The following WDFY4 variants were observed in gnomAD, a reference collection of about 807,000 sequenced individuals.
The protein encoded by WDFY4 is WDFY family member 4, also known as WD repeat- and FYVE domain-containing protein 4.
Under a neutral mutation model 351.9 loss-of-function variants are expected in WDFY4, and 169 were observed. The ratio of observed to expected loss-of-function variants is 0.48; its 90% CI spans 0.42 to 0.55. The LOEUF is 0.55. Among genes scored for constraint, WDFY4 ranks in the 20% least tolerant of loss-of-function variants. The pLI, the probability that WDFY4 is intolerant of heterozygous loss-of-function variation, is 0.00. For synonymous variants in WDFY4, 1,622 were observed against 1,574.6 expected (o/e 1.03, Z -0.71); for missense variants, 3,803 against 3,935.6 (o/e 0.97, Z 0.90).
At chr10:48,788,723 T>C in intron 21 of WDFY4, 48 bp downstream of exon 21, 1 of 1,544,814 alleles carries the variant, frequency 6.5e-7, no homozygotes, top group Non-Finnish European at 8.8e-7. Context: ...TCTGGTTTCA[T>C]GGTTTGCATT....
intron 23 of WDFY4, among the ~76,000 whole-genome samples, chr10:48,794,059 T>C (rs750037029): frequency 7.9e-5 from 12 of 152,112 alleles, no homozygotes; most frequent in Non-Finnish European, 1.5e-4. Flanking sequence ...AGAGGATGGT[T>C]GTGGAGCTGT....
chr10:48,919,861 C>T (rs1456362977), intron 47 of WDFY4, among the ~76,000 whole-genome samples: 1 of 132,624 alleles, frequency 7.5e-6, no homozygotes, highest in Admixed American at 7.1e-5. Flanking sequence ...TTGATATGAT[C>T]TCTTTCAAAA....
At chr10:48,812,083 G>T (rs1436439848) in intron 30 of WDFY4, among the ~76,000 whole-genome samples, 1 of 152,042 alleles carries the variant, frequency 6.6e-6, no homozygotes, top group African/African-American at 2.4e-5. Flanking sequence ...TGCCCCTGTT[G>T]CTAGGACAGG....
At chr10:48,768,343 C>G (rs1476434780) in intron 13 of WDFY4, among the ~76,000 whole-genome samples, 1 of 152,162 alleles carries the variant, frequency 6.6e-6, no homozygotes, top group African/African-American at 2.4e-5. Context: ...GTATGGCCAG[C>G]AGCACAGCGA....
intron 52 of WDFY4, among the ~76,000 whole-genome samples, chr10:48,958,925 C>G (rs1330950570): frequency 6.6e-6 from 1 of 152,168 alleles, no homozygotes; most frequent in Non-Finnish European, 1.5e-5. Flanking sequence ...AGCTTTTATT[C>G]CAGCTGCTTC....
chr10:48,901,690 G>C, intron 46 of WDFY4, 111 bp from the exon 47 acceptor site: 2 of 1,188,198 alleles, frequency 1.7e-6, no homozygotes, highest in African/African-American at 3.0e-5. Flanking sequence ...AGGATGGAGC[G>C]AGGGGGAGCA....
chr10:48,959,644 G>A, intron 52 of WDFY4, 78 bp from the exon 53 acceptor site: 1 of 1,307,434 alleles, frequency 7.6e-7, no homozygotes, highest in South Asian at 1.3e-5. Flanking sequence ...GCAATCCTGG[G>A]CAATGTGTAT....
chr10:48,751,153 G>A (rs1178115595), intron 12 of WDFY4, among the ~76,000 whole-genome samples: 2 of 152,222 alleles, frequency 1.3e-5, no homozygotes, highest in Non-Finnish European at 2.9e-5. Flanking sequence ...CCCTGGCAAG[G>A]GCAGGCCCAG....
chr10:48,769,265 C>T (rs2065781151), intron 13 of WDFY4, among the ~76,000 whole-genome samples: 1 of 152,148 alleles, frequency 6.6e-6, no homozygotes, highest in Admixed American at 6.5e-5. Context: ...CCTACCAGGC[C>T]ATAAGGGCAC....
chr10:48,765,787 C>G (rs1236941930), intron 13 of WDFY4, among the ~76,000 whole-genome samples: 1 of 152,150 alleles, frequency 6.6e-6, no homozygotes, highest in South Asian at 2.1e-4. Flanking sequence ...ATTAGAGAGA[C>G]TATTGTCATC....
intron 5 of WDFY4, 83 bp downstream of exon 5, chr10:48,723,650 T>C: frequency 6.6e-7 from 1 of 1,516,466 alleles, no homozygotes; most frequent in Non-Finnish European, 8.9e-7. Context: ...GTAGATGCTT[T>C]TGTCTTTCTC....
At chr10:48,978,950 G>A (rs1842693181) in intron 60 of WDFY4, 1 of 152,696 alleles carries the variant, frequency 6.5e-6, no homozygotes, top group Admixed American at 6.5e-5. Context: ...TCTGAAAAGA[G>A]TAGACATTTG....
At chr10:48,694,267 C>A (rs1291997634) in intron 1 of WDFY4, among the ~76,000 whole-genome samples, 2 of 152,124 alleles carry the variant, frequency 1.3e-5, no homozygotes, top group Admixed American at 1.3e-4. Flanking sequence ...TAATAGAGTC[C>A]CTGGCTAAGC....
In WDFY4 at chr10:48,796,382, G is replaced by A. The variant is rs1565209092; in HGVS notation, c.4342G>A (p.Glu1448Lys). The A allele has an allele frequency of 7.1e-6, 11 of 1,552,226 alleles. No individual in the cohort carries two copies. The highest frequency in any genetic ancestry group is 7.8e-6 in the Non-Finnish European group (9 of 1,147,120). The change falls in exon 24 of 62, where the codon GAG becomes AAG. Residue 1448 changes from glutamate (E) to lysine (K), a missense_variant. Around this residue, in one of 3 missense-constraint regions of WDFY4, gnomAD observed 3,054 missense variants for 3,148.6 expected, o/e 0.97. Transcript: ENST00000325239. ...QLILSVAGTV[E>K]LGFRSSAITN... is the part of the protein sequence containing the mutation. The stretch of plus-strand genomic sequence containing the variant: ...GATCCTCTCAGTGGCTGGCACTGTG[G>A]AGCTGGGCTTCAGGTCATCTGCTAT...
At chr10:48,793,206 A>T (rs1376614447) in intron 23 of WDFY4, among the ~76,000 whole-genome samples, 2 of 152,206 alleles carry the variant, frequency 1.3e-5, no homozygotes, top group Non-Finnish European at 2.9e-5. Context: ...CCCTGTTTTC[A>T]TGGGACTTAC....
chr10:48,890,150 G>A (rs572435194), intron 43 of WDFY4, among the ~76,000 whole-genome samples: 41 of 152,320 alleles, frequency 2.7e-4, no homozygotes, highest in African/African-American at 9.9e-4. Context: ...TTGAATTCTA[G>A]TCCTGGCTCA....
chr10:48,888,027 A>G (rs1314390462), intron 43 of WDFY4, among the ~76,000 whole-genome samples: 2 of 152,208 alleles, frequency 1.3e-5, no homozygotes, highest in Non-Finnish European at 2.9e-5. Flanking sequence ...TGTTAAGAGA[A>G]AAGTCTAGAT....
chr10:48,703,141 C>G (rs892710199), intron 1 of WDFY4, among the ~76,000 whole-genome samples: 3 of 152,160 alleles, frequency 2.0e-5, no homozygotes, highest in Non-Finnish European at 2.9e-5. Context: ...CTAGCCCCAC[C>G]CTGAACATGT....
intron 43 of WDFY4, chr10:48,878,775 A>T (rs2070130494): frequency 6.6e-6 from 1 of 152,642 alleles, no homozygotes. Context: ...TGCTGCTGGC[A>T]CGCAGAGTGA....
Sources: allele counts gnomAD v4.1 joint callset (sites outside exome capture counted in the v4.1 genomes callset), GRCh38; gene constraint gnomAD v4.1.1; regional missense constraint gnomAD v4.1.1; transcripts MANE v1.5; gene names NCBI Gene and HGNC (gene_info 2026-07-23, HGNC 2026-07-21).